Variants in EPHA6 observed in about 807,000 individuals in gnomAD.
The protein encoded by EPHA6 is EPH receptor A6, also known as ephrin type-A receptor 6.
EPHA6 carries 50 observed loss-of-function variants against 112.0 expected under a neutral mutation model. The observed-to-expected ratio is 0.45, with a 90% CI of 0.36 to 0.56. EPHA6 has a LOEUF of 0.56. Ranked by LOEUF, EPHA6 falls within the 20% of genes least tolerant of loss-of-function variation. The pLI is 0.00. For synonymous variants in EPHA6, 529 were observed against 490.7 expected (o/e 1.08, Z -1.03); for missense variants, 1,280 against 1,417.4 (o/e 0.90, Z 1.56).
intron 2 of EPHA6, among the ~76,000 whole-genome samples, chr3:96,984,442 G>T (rs2042938754): frequency 6.6e-6 from 1 of 152,176 alleles, no homozygotes; most frequent in Non-Finnish European, 1.5e-5. Flanking sequence ...ACCTGGCCGT[G>T]TGAGGTGTCA....
intron 14 of EPHA6, among the ~76,000 whole-genome samples, chr3:97,657,132 T>C (rs1436840544): frequency 2.0e-5 from 3 of 151,964 alleles, no homozygotes; most frequent in Non-Finnish European, 4.4e-5. Context: ...TCCAAATGTT[T>C]GTTTTTCCTG....
chr3:97,661,080 A>T (rs928702795), intron 14 of EPHA6, among the ~76,000 whole-genome samples: 1 of 152,156 alleles, frequency 6.6e-6, no homozygotes, highest in Admixed American at 6.6e-5. Flanking sequence ...AAAGTGGAAA[A>T]TATTAGTTCC....
chr3:96,856,996 T>A (rs1490717278), intron 1 of EPHA6, among the ~76,000 whole-genome samples: 1 of 152,198 alleles, frequency 6.6e-6, no homozygotes, highest in Non-Finnish European at 1.5e-5. Flanking sequence ...GGATTGAATT[T>A]TGAACCTGAT....
intron 5 of EPHA6, among the ~76,000 whole-genome samples, chr3:97,305,297 C>G (rs1425532533): frequency 6.6e-6 from 1 of 151,488 alleles, no homozygotes; most frequent in African/African-American, 2.4e-5. Context: ...TAAATTAGTT[C>G]AACTATTGTG....
intron 5 of EPHA6, among the ~76,000 whole-genome samples, chr3:97,331,235 A>G (rs997440904): frequency 2.0e-5 from 3 of 152,140 alleles, no homozygotes; most frequent in South Asian, 2.1e-4. Flanking sequence ...TCTGTAGGAG[A>G]CACATTCAAA....
At chr3:97,519,171 T>C (rs1396911326) in intron 10 of EPHA6, among the ~76,000 whole-genome samples, 3 of 152,224 alleles carry the variant, frequency 2.0e-5, no homozygotes, top group Middle Eastern at 3.2e-3. Context: ...TTGACTTTTG[T>C]ATATGGTGAG....
At chr3:96,836,356 T>A (rs963510555) in intron 1 of EPHA6, among the ~76,000 whole-genome samples, 3 of 152,062 alleles carry the variant, frequency 2.0e-5, no homozygotes, top group Non-Finnish European at 2.9e-5. Flanking sequence ...ACACTGGTCT[T>A]TTTGTGGCCT....
chr3:97,646,969 A>C (rs761914498), intron 14 of EPHA6, among the ~76,000 whole-genome samples: 1 of 152,138 alleles, frequency 6.6e-6, no homozygotes, highest in Admixed American at 6.6e-5. Flanking sequence ...GCCACATGAC[A>C]TACTGGGCAA....
intron 2 of EPHA6, among the ~76,000 whole-genome samples, chr3:96,976,595 A>G (rs2042532523): frequency 2.0e-5 from 3 of 152,102 alleles, no homozygotes; most frequent in Admixed American, 2.0e-4. Flanking sequence ...AATTCCAGTA[A>G]TCTTACAGTC....
In EPHA6 at chr3:97,749,496, C is replaced by T. The variant is rs191875556; in HGVS notation, c.*795C>T. ...TATTTCTCTACTACCTTATGAAGACCGCTCCTGGAAAGACCAAGGGTGACT... is the reference window on the plus strand; with the variant it reads ...TATTTCTCTACTACCTTATGAAGACTGCTCCTGGAAAGACCAAGGGTGACT... On this transcript the variant is annotated 3_prime_UTR_variant, in exon 18 of 18. Coordinates refer to ENST00000389672, the MANE Select transcript of EPHA6 (RefSeq NM_001080448.3). Among the ~76,000 whole-genome samples, 6 of 151,802 alleles carry T rather than the reference C, an allele frequency of 4.0e-5. No individual in the cohort carries two copies. The highest frequency in any genetic ancestry group is 3.4e-3 in the Middle Eastern group (1 of 294).
chr3:97,702,028 TA>T (rs1185010098), intron 14 of EPHA6, among the ~76,000 whole-genome samples: 13 of 152,288 alleles, frequency 8.5e-5, no homozygotes, highest in Non-Finnish European at 1.2e-4. Context: ...CCATTAAATA[TA>T]AAAACAGATC....
intron 2 of EPHA6, among the ~76,000 whole-genome samples, chr3:96,912,700 G>C (rs1017177146): frequency 6.6e-6 from 1 of 152,074 alleles, no homozygotes; most frequent in African/African-American, 2.4e-5. Flanking sequence ...CAGTCTTCCT[G>C]CCTTAGCCTT....
intron 5 of EPHA6, among the ~76,000 whole-genome samples, chr3:97,371,552 C>G (rs1020951926): frequency 1.3e-5 from 2 of 152,060 alleles, no homozygotes; most frequent in Admixed American, 6.6e-5. Context: ...GGAAGAATGT[C>G]GCCTCAGGAC....
At chr3:96,974,235 A>G (rs991916920) in intron 2 of EPHA6, among the ~76,000 whole-genome samples, 2 of 147,760 alleles carry the variant, frequency 1.4e-5, no homozygotes, top group Non-Finnish European at 3.0e-5. Flanking sequence ...TTATTAAATT[A>G]TTATTATAAC....
In EPHA6 at chr3:97,059,812, ATCCATAGT is replaced by A. The variant is rs2045961984; in HGVS notation, c.1114+71820_1114+71827del. Among the ~76,000 whole-genome samples, 4 of 151,840 alleles carry A rather than the reference ATCCATAGT, an allele frequency of 2.6e-5. No homozygotes were observed. In the South Asian group the frequency reaches 8.3e-4, roughly 32 times the overall value. ...TCTCAAGTACAAATGTGTTGAGCAT[ATCCATAGT>A]AAAATAAGAGCTAATGGCTGGGCGC... On this transcript the variant is annotated intron_variant, in intron 3 of 17. Transcript: ENST00000389672.
At chr3:97,728,202 G>A (rs993672099) in intron 15 of EPHA6, among the ~76,000 whole-genome samples, 2 of 151,850 alleles carry the variant, frequency 1.3e-5, no homozygotes, top group African/African-American at 4.8e-5. Flanking sequence ...GCCAGGAAAT[G>A]TATTATTTAG....
chr3:97,573,710 T>C (rs1219765558), intron 11 of EPHA6, among the ~76,000 whole-genome samples: 1 of 152,144 alleles, frequency 6.6e-6, no homozygotes, highest in African/African-American at 2.4e-5. Flanking sequence ...GATCAAGATA[T>C]GTTTAGCCTA....
intron 10 of EPHA6, among the ~76,000 whole-genome samples, chr3:97,521,923 C>CAAAA (rs754123519): frequency 4.5e-5 from 4 of 87,956 alleles, no homozygotes; most frequent in Admixed American, 1.1e-4. Context: ...GAGCCTTTTT[C>CAAAA]AAAAAAAAAA....
intron 1 of EPHA6, among the ~76,000 whole-genome samples, chr3:96,864,344 C>A (rs1282870836): frequency 6.6e-6 from 1 of 151,984 alleles, no homozygotes; most frequent in Non-Finnish European, 1.5e-5. Context: ...TAGGGAATTC[C>A]ATACAGTGGA....
Sources: allele counts gnomAD v4.1 joint callset (sites outside exome capture counted in the v4.1 genomes callset), GRCh38; gene constraint gnomAD v4.1.1; transcripts MANE v1.5; gene names NCBI Gene and HGNC (gene_info 2026-07-23, HGNC 2026-07-21).